Variants in TERF1 observed in about 807,000 individuals in gnomAD.
TERF1 encodes the protein telomeric repeat binding factor 1, also known as telomeric repeat-binding factor 1.
Under a neutral mutation model 55.1 loss-of-function variants are expected in TERF1, and 20 were observed. The observed-to-expected ratio is 0.36, with a 90% CI of 0.26 to 0.53. TERF1 has a LOEUF of 0.53. Ranked by LOEUF, TERF1 falls within the 20% of genes least tolerant of loss-of-function variation. The pLI, the probability that TERF1 is intolerant of heterozygous loss-of-function variation, is 0.91. For missense variants in TERF1, 439 were observed against 535.7 expected, an observed-to-expected ratio of 0.82 and a Z score of 1.78; for synonymous variants, 168 against 181.2, an observed-to-expected ratio of 0.93 and a Z score of 0.59.
rs919572139 is a variant in TERF1, at chr8:73,008,966, A to G, written c.80A>G (p.Gln27Arg). Residue 27 changes from glutamine (Q) to arginine (R), a missense_variant, in exon 1 of 10, where the codon CAG becomes CGG. Physicochemically the swap from Gln to Arg is conservative, Grantham distance 43. This residue lies in a region of TERF1 where 179 missense variants were observed against 152.6 expected (regional missense o/e 1.17). Transcript: ENST00000276603. ...DGRDADPTEE[Q>R]MAETERNDEE... ...AGGGATGCCGACCCTACTGAGGAGC[A>G]GATGGCAGAAACAGAGAGAAACGAC... is the stretch of plus-strand genomic sequence containing the variant. The G allele has an allele frequency of 1.2e-6, 2 of 1,612,980 alleles. No individual in the cohort carries two copies. Among genetic ancestry groups the G allele is most frequent in the Admixed American group, 1.7e-5 (1 of 59,970 alleles).
chr8:73,045,843 G>A, intron 9 of TERF1, 118 bp from the exon 10 acceptor site: 1 of 730,832 alleles, frequency 1.4e-6, no homozygotes, highest in South Asian at 3.2e-5. Context: ...GTTTAGAGAA[G>A]TCTTCCGTCT....
At chr8:73,030,483 T>G in intron 7 of TERF1, 88 bp downstream of exon 7, 5 of 794,040 alleles carry the variant, frequency 6.3e-6, no homozygotes, top group Non-Finnish European at 1.8e-6. Flanking sequence ...ACCACATAAA[T>G]GGTACAATTG....
chr8:73,027,440 A>G (rs1042516581), intron 6 of TERF1, among the ~76,000 whole-genome samples: 2 of 152,200 alleles, frequency 1.3e-5, no homozygotes, highest in Non-Finnish European at 2.9e-5. Flanking sequence ...TTCTCTAAGC[A>G]TAAGCTCACT....
In TERF1 at chr8:73,008,920, C is replaced by G; in HGVS notation, c.34C>G (p.Pro12Ala). The stretch of plus-strand genomic sequence containing the variant: ...GGATGTTTCCTCAGCGGCCCCGAGC[C>G]CGCGGGGCTGTGCGGATGGTAGGGA... The part of the protein sequence containing the change: ...AEDVSSAAPS[P>A]RGCADGRDAD... The change falls in exon 1 of 10, where the codon CCG (proline) becomes GCG (alanine). Residue 12 changes from proline to alanine, a missense_variant. Around this residue, in one of 4 missense-constraint regions of TERF1, gnomAD observed 179 missense variants for 152.6 expected, o/e 1.17. Coordinates refer to ENST00000276603, the MANE Select transcript of TERF1 (RefSeq NM_017489.3). 6.8e-6 allele frequency: 11 copies of G among 1,611,722 alleles called. No individual in the cohort carries two copies. Among genetic ancestry groups the G allele is most frequent in the Non-Finnish European group, 9.3e-6 (11 of 1,179,188 alleles).
At chr8:73,038,755 G>A (rs1809709373) in intron 8 of TERF1, 1 of 972,542 alleles carries the variant, frequency 1.0e-6, no homozygotes, top group Non-Finnish European at 1.2e-6. Context: ...AAGAAGGAGT[G>A]AGGAAAGGAT....
intron 4 of TERF1, among the ~76,000 whole-genome samples, chr8:73,023,125 G>A (rs1808841096): frequency 6.6e-6 from 1 of 152,042 alleles, no homozygotes; most frequent in Non-Finnish European, 1.5e-5. Context: ...CATACATTTT[G>A]TGGAACAAAT....
intron 8 of TERF1, chr8:73,038,811 C>A: frequency 1.2e-6 from 1 of 823,190 alleles, no homozygotes; most frequent in Non-Finnish European, 1.5e-6. Flanking sequence ...AAAATTTCAA[C>A]GATCCTATGC....
At chr8:73,024,731 ATTTCT>A (rs1808905025) in intron 4 of TERF1, 86 bp from the exon 5 acceptor site, 1 of 953,138 alleles carries the variant, frequency 1.0e-6, no homozygotes, top group Non-Finnish European at 1.5e-6. Flanking sequence ...TTGTAAAGTG[ATTTCT>A]TTTCAATTAA....
At position 73,024,874 on chromosome 8, in the gene TERF1, C is replaced by A. The variant is rs547949193; in HGVS notation, c.677C>A (p.Ser226Tyr). The change falls in exon 5 of 10, where the codon TCC becomes TAC. Residue 226 changes from serine (S) to tyrosine (Y), a missense_variant. Ser to Tyr is a moderately radical substitution (Grantham distance 144). Coordinates refer to ENST00000276603, the MANE Select transcript of TERF1 (RefSeq NM_017489.3). ...ATCTCTCAGAAAGATACATTTCATT[C>A]CTTTTTTCAACACTTCAGCTACAAC... is the stretch of plus-strand genomic sequence containing the variant. The part of the protein sequence containing the change: ...MIISQKDTFH[S>Y]FFQHFSYNHM... 1.4e-4 allele frequency: 216 copies of A among 1,589,320 alleles called. 2 individuals carry two copies. In the South Asian group the frequency reaches 2.3e-3, roughly 17 times the overall value.
chr8:73,037,641 ATAAT>A (rs1809603181), intron 8 of TERF1, among the ~76,000 whole-genome samples: 1 of 84,464 alleles, frequency 1.2e-5, no homozygotes, highest in African/African-American at 5.3e-5. Context: ...TATAACATAT[ATAAT>A]ATATATTATA....
intron 9 of TERF1, among the ~76,000 whole-genome samples, chr8:73,043,876 CGT>C (rs1563476494): frequency 6.6e-6 from 1 of 152,118 alleles, no homozygotes; most frequent in Non-Finnish European, 1.5e-5. Flanking sequence ...AGCTGAATAA[CGT>C]ATATGGCAAG....
intron 8 of TERF1, among the ~76,000 whole-genome samples, chr8:73,037,945 T>A (rs1210569212): frequency 7.6e-6 from 1 of 130,764 alleles, no homozygotes; most frequent in Non-Finnish European, 1.6e-5. Flanking sequence ...TATATATATA[T>A]AAAACATATA....
chr8:73,043,247 C>A (rs1222176171), intron 9 of TERF1: 1 of 152,114 alleles, frequency 6.6e-6, no homozygotes, highest in Non-Finnish European at 1.5e-5. Flanking sequence ...CTCTTTCAGT[C>A]ACAGGTAAAA....
Position 73,046,941 on chromosome 8 carries a change from C to G in TERF1, c.*804C>G, listed in dbSNP as rs890196015. The G allele has an allele frequency of 3.9e-5, 6 of 152,026 alleles. No individual in the cohort carries two copies. Among genetic ancestry groups the G allele is most frequent in the African/African-American group, 1.4e-4 (6 of 41,388 alleles). The allele number at this position is 152,026 out of a possible 1,614,324, so 9.4% of individuals were successfully genotyped here. On this transcript the variant is annotated 3_prime_UTR_variant, in exon 10 of 10. Transcript: ENST00000276603. Reference sequence around the variant, plus strand: ...CAGAGTAACCTATAAGCATGACATACTTTTGCTTTCAGTAGTTTCATGTAA... The same window carrying G: ...CAGAGTAACCTATAAGCATGACATAGTTTTGCTTTCAGTAGTTTCATGTAA...
intron 1 of TERF1, chr8:73,009,560 G>A: frequency 4.4e-6 from 1 of 225,570 alleles, no homozygotes; most frequent in Non-Finnish European, 8.7e-6. Flanking sequence ...AGTCCCTGTG[G>A]CCTCCAGTAA....
chr8:73,029,150 G>A (rs1467086766), intron 6 of TERF1, among the ~76,000 whole-genome samples: 1 of 152,188 alleles, frequency 6.6e-6, no homozygotes, highest in Non-Finnish European at 1.5e-5. Context: ...TCAGAAGTGT[G>A]ATTGTGAGGT....
At chr8:73,030,420 CTTT>C (rs754353731) in intron 7 of TERF1, 25 bp downstream of exon 7, 5 of 1,423,174 alleles carry the variant, frequency 3.5e-6, no homozygotes, top group Non-Finnish European at 4.6e-6. Flanking sequence ...CGTTTTTCTT[CTTT>C]GTCTTTCAAA....
At chr8:73,042,477 T>TA (rs1223389029) in intron 9 of TERF1, among the ~76,000 whole-genome samples, 5 of 152,266 alleles carry the variant, frequency 3.3e-5, no homozygotes, top group South Asian at 4.1e-4. Flanking sequence ...AAAAAAAACT[T>TA]ACGGCAATAG....
At chr8:73,041,260 T>C (rs1809821717) in intron 9 of TERF1, among the ~76,000 whole-genome samples, 2 of 152,214 alleles carry the variant, frequency 1.3e-5, no homozygotes, top group Non-Finnish European at 2.9e-5. Context: ...AGTTACCGTT[T>C]GTAGCTGTAG....
Sources: allele counts gnomAD v4.1 joint callset (sites outside exome capture counted in the v4.1 genomes callset), GRCh38; gene constraint gnomAD v4.1.1; regional missense constraint gnomAD v4.1.1; transcripts MANE v1.5; gene names NCBI Gene and HGNC (gene_info 2026-07-23, HGNC 2026-07-21).